MVP: variants seen among roughly 807,000 people sequenced by gnomAD.
MVP encodes major vault protein.
Under a neutral mutation model 83.5 loss-of-function variants are expected in MVP, and 62 were observed. The observed-to-expected ratio is 0.74, with a 90% CI of 0.61 to 0.92. The LOEUF is 0.92. Among genes scored for constraint, MVP ranks in the 40% least tolerant of loss-of-function variants. The probability of loss-of-function intolerance (pLI) is 0.00; values close to 1 mark genes in which losing one functional copy is unlikely to be tolerated. For missense variants in MVP, 1,000 were observed against 1,203.4 expected (o/e 0.83, Z 2.50); for synonymous variants, 505 against 504.1 (o/e 1.00, Z -0.02).
chr16:29,828,291 T>A (rs1001333614), intron 1 of MVP, among the ~76,000 whole-genome samples: 1 of 152,070 alleles, frequency 6.6e-6, no homozygotes, highest in African/African-American at 2.4e-5. Context: ...AGGAGCCACA[T>A]GTGGATGTGG....
In MVP at chr16:29,833,785, C is replaced by T. The variant is rs1443182639; in HGVS notation, c.374C>T (p.Ala125Val). The T allele has an allele frequency of 1.5e-5, 25 of 1,614,066 alleles. No homozygotes were observed. The highest frequency in any genetic ancestry group is 1.9e-5 in the Non-Finnish European group (23 of 1,180,016). ...VLPNTALHLK[A>V]LLDFEDKDGD... ...CCCAACACTGCCCTCCATCTAAAGG[C>T]GCTGCTTGATTTTGAGGATAAAGAT... is the stretch of plus-strand genomic sequence containing the variant. Residue 125 changes from alanine to valine, a missense_variant, in exon 4 of 15, where the codon GCG becomes GTG. Coordinates refer to ENST00000357402, the MANE Select transcript of MVP (RefSeq NM_005115.5).
At position 29,836,974 on chromosome 16, in the gene MVP, C is replaced by T. The variant is rs769581078; in HGVS notation, c.909+16C>T. ...CGTGGTCAAGGTGAGGTCCCTACAC[C>T]CCCACAGAGGACTGCCCTGGGAGAT... On this transcript the variant is annotated intron_variant, in intron 7 of 14. Transcript: ENST00000357402. 5 of 1,597,362 alleles carry T rather than the reference C, an allele frequency of 3.1e-6. No homozygotes were observed. Among genetic ancestry groups the T allele is most frequent in the Non-Finnish European group, 3.4e-6 (4 of 1,168,752 alleles).
intron 1 of MVP, among the ~76,000 whole-genome samples, chr16:29,823,835 C>T (rs1276597423): frequency 2.1e-5 from 3 of 145,546 alleles, no homozygotes; most frequent in East Asian, 2.0e-4. Context: ...GAGCGAGACT[C>T]GTCTCAGAAA....
chr16:29,847,082 C>T, intron 13 of MVP, 115 bp from the exon 14 acceptor site: 1 of 1,188,434 alleles, frequency 8.4e-7, no homozygotes, highest in African/African-American at 1.5e-5. Flanking sequence ...CCCAGCTACC[C>T]AGGAGGCTGA....
Position 29,847,846 on chromosome 16 carries a change from G to A in MVP, c.2539G>A (p.Gly847Arg). The A allele has an allele frequency of 6.2e-7, 1 of 1,614,172 alleles. No homozygotes were observed. The highest frequency in any genetic ancestry group is 1.3e-5 in the African/African-American group (1 of 75,046). ...TPINLFNTAF[G>R]LLGMGPEGQP... ...CATCAACCTCTTCAACACAGCCTTTGGGCTGCTGGGGATGGGGCCCGAGGG... is the reference window on the plus strand; with the variant it reads ...CATCAACCTCTTCAACACAGCCTTTAGGCTGCTGGGGATGGGGCCCGAGGG... The change falls in exon 15 of 15, where the codon GGG becomes AGG. Residue 847 changes from glycine to arginine, a missense_variant. Physicochemically the swap from Gly to Arg is moderately radical, Grantham distance 125. Transcript: ENST00000357402.
At chr16:29,836,092 C>T (rs1475101845) in intron 6 of MVP, among the ~76,000 whole-genome samples, 1 of 151,756 alleles carries the variant, frequency 6.6e-6, no homozygotes, top group Non-Finnish European at 1.5e-5. Flanking sequence ...ACAGTGAGAA[C>T]TCATCGCTAC....
At chr16:29,826,505 C>T (rs777751888) in intron 1 of MVP, among the ~76,000 whole-genome samples, 3 of 151,572 alleles carry the variant, frequency 2.0e-5, no homozygotes, top group African/African-American at 4.9e-5. Context: ...TACGTATCTA[C>T]AGTCCCAGCT....
At chr16:29,835,854 T>C (rs2067482791) in intron 6 of MVP, 56 bp downstream of exon 6, 7 of 1,391,586 alleles carry the variant, frequency 5.0e-6, no homozygotes, top group Middle Eastern at 2.1e-4. Flanking sequence ...ACCCTCCGAG[T>C]GGCAGAGAAT....
At chr16:29,845,537 C>A (rs1285751886) in intron 11 of MVP, among the ~76,000 whole-genome samples, 1 of 152,194 alleles carries the variant, frequency 6.6e-6, no homozygotes, top group East Asian at 1.9e-4. Flanking sequence ...TTGGGGAACA[C>A]TTTTCTTTCT....
At chr16:29,829,550 A>AG (rs1254562982) in intron 1 of MVP, 4 of 143,258 alleles carry the variant, frequency 2.8e-5, no homozygotes, top group African/African-American at 9.7e-5. Flanking sequence ...TGTGACTCAA[A>AG]GGGACATGTC....
In MVP at chr16:29,841,616, C is replaced by G; in HGVS notation, c.1212C>G (p.Ser404Arg). The stretch of plus-strand genomic sequence containing the variant: ...CCAAGGTGCGCGCTGTGATTGGAAG[C>G]ACCTACATGCTGACCCAGGACGAAG... ...KTGKVRAVIG[S>R]TYMLTQDEVL... Residue 404 changes from serine (S) to arginine (R), a missense_variant, in exon 9 of 15, where the codon AGC (serine) becomes AGG (arginine). By Grantham distance (110) the Ser-to-Arg change is moderately radical. Transcript: ENST00000357402. The surrounding 1 kb of genome is among the most constrained non-coding windows in gnomAD (Gnocchi z 4.7). 6.2e-7 allele frequency: 1 copy of G among 1,605,952 alleles called. No homozygotes were observed. Among genetic ancestry groups the G allele is most frequent in the Non-Finnish European group, 8.5e-7 (1 of 1,175,490 alleles).
At chr16:29,840,138 C>A in intron 7 of MVP, 40 bp from the exon 8 acceptor site, 1 of 1,556,124 alleles carries the variant, frequency 6.4e-7, no homozygotes, top group African/African-American at 1.4e-5. Context: ...GCACCCGCAA[C>A]CCTAAAGGCA....
chr16:29,831,644 G>A (rs1323486897), intron 3 of MVP: 1 of 455,998 alleles, frequency 2.2e-6, no homozygotes, highest in Non-Finnish European at 4.4e-6. Context: ...ACCTTCCCAG[G>A]CTCCAGAGCC....
At chr16:29,822,905 A>T (rs2067373975) in intron 1 of MVP, among the ~76,000 whole-genome samples, 1 of 151,990 alleles carries the variant, frequency 6.6e-6, no homozygotes, top group Non-Finnish European at 1.5e-5. Context: ...TTTAGTAGAG[A>T]CGAAGTTTCA....
At position 29,839,783 on chromosome 16, in the gene MVP, C is replaced by CAAAAA. The variant is rs71373206; in HGVS notation, c.910-374_910-370dup. 2.6e-3 allele frequency among the ~76,000 whole-genome samples: 125 copies of CAAAAA among 47,350 alleles called. 8 individuals carry two copies. Among genetic ancestry groups the CAAAAA allele is most frequent in the African/African-American group, 0.011 (116 of 10,348 alleles). 31.1% of individuals were successfully genotyped at this position (47,350 alleles called of 152,430 possible). A position where few individuals can be genotyped will look rare whatever the true frequency, so the allele number is the denominator to read the frequency against. The stretch of plus-strand genomic sequence containing the variant: ...CCTGGGCAAGAGAGGAAGACTATCT[C>CAAAAA]AAAAAAAAAAAAAAAAAAAAAAAAA... On this transcript the variant is annotated intron_variant, in intron 7 of 14. Transcript: ENST00000357402.
chr16:29,846,085 C>T, intron 12 of MVP, 73 bp from the exon 13 acceptor site: 1 of 1,603,894 alleles, frequency 6.2e-7, no homozygotes, highest in Non-Finnish European at 8.5e-7. Context: ...CAGTGCACGG[C>T]TACAGCATAA....
chr16:29,831,016 C>G lies in MVP; in HGVS notation c.264C>G (p.Leu88=). The change falls in exon 3 of 15, where the codon CTC becomes CTG. Residue 88 remains leucine (L), a synonymous_variant. Coordinates refer to ENST00000357402, the MANE Select transcript of MVP (RefSeq NM_005115.5). ...TGQVRLRHAD[L]EIRLAQDPFP... is the part of the protein sequence containing the mutation. ...AAGTTCGGCTTCGCCACGCTGACCT[C>G]GAGATCCGGCTGGCCCAGGACCCCT... 6.2e-7 allele frequency: 1 copy of G among 1,613,896 alleles called. No individual in the cohort carries two copies. Among genetic ancestry groups the G allele is most frequent in the Non-Finnish European group, 8.5e-7 (1 of 1,179,998 alleles).
intron 1 of MVP, among the ~76,000 whole-genome samples, chr16:29,821,771 G>A (rs999537713): frequency 6.6e-6 from 1 of 152,112 alleles, no homozygotes; most frequent in African/African-American, 2.4e-5. Flanking sequence ...GTTAATTGAG[G>A]GCACTTAACA....
intron 5 of MVP, chr16:29,835,494 A>AC (rs1346328462): frequency 3.0e-6 from 1 of 334,876 alleles, no homozygotes; most frequent in East Asian, 5.2e-5. Context: ...AAAAAAAAAA[A>AC]AAAAAAAAAA....
Sources: gnomAD v4.1 joint callset for allele counts (sites outside exome capture counted in the v4.1 genomes callset) on GRCh38, gnomAD v4.1.1 for gene constraint, Gnocchi (gnomAD v3.1) non-coding constraint, MANE v1.5 for transcripts, NCBI Gene and HGNC (gene_info 2026-07-23, HGNC 2026-07-21) for gene names.